The following SRGAP3 variants were observed in gnomAD, a reference collection of about 807,000 sequenced individuals.
SRGAP3 encodes SLIT-ROBO Rho GTPase-activating protein 3.
A neutral mutation model predicts 121.1 loss-of-function variants in SRGAP3; 39 were observed. The ratio of observed to expected loss-of-function variants is 0.32; its 90% CI spans 0.25 to 0.42. The LOEUF is 0.42. Among genes scored for constraint, SRGAP3 ranks in the 10% least tolerant of loss-of-function variants. The pLI, the probability that SRGAP3 is intolerant of heterozygous loss-of-function variation, is 1.00. For synonymous variants in SRGAP3, 601 were observed against 570.0 expected, an observed-to-expected ratio of 1.05 and a Z score of -0.77; for missense variants, 1,213 against 1,470.6, an observed-to-expected ratio of 0.82 and a Z score of 2.86.
At chr3:9,199,350 C>T (rs1251757755) in intron 1 of SRGAP3, among the ~76,000 whole-genome samples, 1 of 152,174 alleles carries the variant, frequency 6.6e-6, no homozygotes, top group Non-Finnish European at 1.5e-5. Context: ...GTGGAGGGTT[C>T]GGTTTTGTTT....
At chr3:8,997,878 G>GT (rs35922221) in intron 18 of SRGAP3, among the ~76,000 whole-genome samples, 90,239 of 148,664 alleles carry the variant, frequency 0.61, 28,240 homozygotes, top group African/African-American at 0.78. Flanking sequence ...ATTCATAGAG[G>GT]TTTTTTTTTT....
At chr3:9,122,371 A>G (rs985616984) in intron 2 of SRGAP3, among the ~76,000 whole-genome samples, 1 of 152,156 alleles carries the variant, frequency 6.6e-6, no homozygotes, top group Admixed American at 6.5e-5. Context: ...TGCCTGAGTG[A>G]ATGTTATTAA....
At chr3:9,362,626 A>T (rs1381690186) in intron 1 of SRGAP3, among the ~76,000 whole-genome samples, 2 of 152,136 alleles carry the variant, frequency 1.3e-5, no homozygotes, top group African/African-American at 4.8e-5. Flanking sequence ...TATTTTTTTT[A>T]AACTAAAGAA....
chr3:9,157,991 T>A (rs1411647693), intron 1 of SRGAP3, among the ~76,000 whole-genome samples: 1 of 152,222 alleles, frequency 6.6e-6, no homozygotes, highest in Non-Finnish European at 1.5e-5. Flanking sequence ...ATCCTTTTTG[T>A]AGTCTCTGAA....
intron 1 of SRGAP3, among the ~76,000 whole-genome samples, chr3:9,359,192 AC>A (rs1450173084): frequency 2.0e-5 from 3 of 152,196 alleles, no homozygotes; most frequent in African/African-American, 7.2e-5. Context: ...ATCCTCAGGG[AC>A]AGTCATGATC....
chr3:9,010,252 G>T, intron 18 of SRGAP3, 56 bp downstream of exon 18: 1 of 1,602,016 alleles, frequency 6.2e-7, no homozygotes. Context: ...GCTGACAAAA[G>T]TCAGTGTGAG....
chr3:9,105,372 G>A (rs1948382611), intron 2 of SRGAP3, among the ~76,000 whole-genome samples: 1 of 152,174 alleles, frequency 6.6e-6, no homozygotes, highest in African/African-American at 2.4e-5. Context: ...GTTGGGAAAG[G>A]GGCTAGGAGG....
intron 1 of SRGAP3, among the ~76,000 whole-genome samples, chr3:9,196,903 T>C (rs891077706): frequency 2.0e-5 from 3 of 152,190 alleles, no homozygotes; most frequent in Non-Finnish European, 2.9e-5. Context: ...GTCTTCTAAT[T>C]CCCGTTTCTA....
intron 3 of SRGAP3, among the ~76,000 whole-genome samples, chr3:9,279,320 T>C (rs558931858): frequency 6.6e-6 from 1 of 152,140 alleles, no homozygotes; most frequent in South Asian, 2.1e-4. Context: ...CAAAGTGCTA[T>C]TACCTGAAAA....
chr3:9,086,808 A>ATGT (rs1433080266), intron 3 of SRGAP3, among the ~76,000 whole-genome samples: 14 of 147,738 alleles, frequency 9.5e-5, no homozygotes, highest in South Asian at 4.2e-4. Context: ...ATATACATAT[A>ATGT]ATATACATAT....
intron 1 of SRGAP3, among the ~76,000 whole-genome samples, chr3:9,173,960 TC>T (rs1309483063): frequency 1.3e-5 from 2 of 152,222 alleles, no homozygotes; most frequent in Admixed American, 1.3e-4. Context: ...TACACAGTGT[TC>T]ACAGGAGCAC....
intron 3 of SRGAP3, among the ~76,000 whole-genome samples, chr3:9,286,984 C>CTTTT (rs1433896598): frequency 2.9e-5 from 3 of 103,192 alleles, no homozygotes; most frequent in Non-Finnish European, 6.0e-5. Context: ...CACACTGACA[C>CTTTT]TCTTTTTTTT....
chr3:9,328,954 C>T (rs781151079), intron 2 of SRGAP3, among the ~76,000 whole-genome samples: 3 of 152,088 alleles, frequency 2.0e-5, no homozygotes, highest in Non-Finnish European at 4.4e-5. Context: ...CACAAGCTTA[C>T]AAGGTCAAGC....
intron 3 of SRGAP3, among the ~76,000 whole-genome samples, chr3:9,100,897 G>T (rs535894031): frequency 6.6e-6 from 1 of 152,268 alleles, no homozygotes; most frequent in Non-Finnish European, 1.5e-5. Context: ...ACTGATATGG[G>T]GACAGAAACA....
At chr3:9,348,775 G>A in intron 1 of SRGAP3, 1 of 1,366,326 alleles carries the variant, frequency 7.3e-7, no homozygotes, top group Non-Finnish European at 1.0e-6. Context: ...AGGCCCAGGT[G>A]AAGATCTGGA....
chr3:9,322,983 A>G (rs1019610684), intron 3 of SRGAP3, among the ~76,000 whole-genome samples: 1 of 151,966 alleles, frequency 6.6e-6, no homozygotes, highest in Admixed American at 6.5e-5. Context: ...AATATGACTC[A>G]GCAACAAAAA....
chr3:9,157,913 G>A (rs1282853481), intron 1 of SRGAP3, among the ~76,000 whole-genome samples: 1 of 152,166 alleles, frequency 6.6e-6, no homozygotes, highest in East Asian at 1.9e-4. Flanking sequence ...ATTCTTCAAG[G>A]GGAGACTCAG....
intron 3 of SRGAP3, among the ~76,000 whole-genome samples, chr3:9,275,321 A>G (rs1388474932): frequency 6.6e-6 from 1 of 152,030 alleles, no homozygotes; most frequent in East Asian, 1.9e-4. Flanking sequence ...CTGTCTCAAA[A>G]CTATTCCATT....
chr3:9,209,806 G>C (rs1952384975), intron 1 of SRGAP3, among the ~76,000 whole-genome samples: 1 of 152,172 alleles, frequency 6.6e-6, no homozygotes, highest in Non-Finnish European at 1.5e-5. Context: ...CACTCAAAAA[G>C]AATGAAGCCT....
Sources: gnomAD v4.1 joint callset for allele counts (sites outside exome capture counted in the v4.1 genomes callset) on GRCh38, gnomAD v4.1.1 for gene constraint, MANE v1.5 for transcripts, NCBI Gene and HGNC (gene_info 2026-07-23, HGNC 2026-07-21) for gene names.